CCDC77: variants seen among roughly 807,000 people sequenced by gnomAD.
CCDC77 encodes coiled-coil domain-containing protein 77.
Under a neutral mutation model 66.8 loss-of-function variants are expected in CCDC77, and 56 were observed. The ratio of observed to expected loss-of-function variants is 0.84; its 90% CI spans 0.68 to 1.05. The LOEUF is 1.05. CCDC77 is among the 50% of genes least tolerant of loss of function. CCDC77 has a pLI of 0.00. For missense variants in CCDC77, 570 were observed against 576.8 expected (o/e 0.99, Z 0.12); for synonymous variants, 196 against 195.2 (o/e 1.00, Z -0.03).
intron 5 of CCDC77, among the ~76,000 whole-genome samples, chr12:424,911 G>A (rs1422391248): frequency 6.8e-6 from 1 of 147,958 alleles, no homozygotes; most frequent in Non-Finnish European, 1.5e-5. Flanking sequence ...TAGCCACATG[G>A]TTTCTTTCTT....
At chr12:432,008 T>G in intron 8 of CCDC77, 54 bp downstream of exon 8, 23 of 997,964 alleles carry the variant, frequency 2.3e-5, no homozygotes, top group Non-Finnish European at 3.3e-5. Context: ...GGTGCAGCTC[T>G]ATGTCACATA....
intron 5 of CCDC77, among the ~76,000 whole-genome samples, chr12:426,053 T>C (rs1299914645): frequency 6.6e-6 from 1 of 152,148 alleles, no homozygotes; most frequent in Non-Finnish European, 1.5e-5. Flanking sequence ...TTAGTAGAGA[T>C]GGGGTTTCAC....
chr12:435,932 G>T (rs1945741261), intron 9 of CCDC77, among the ~76,000 whole-genome samples: 1 of 151,928 alleles, frequency 6.6e-6, no homozygotes, highest in African/African-American at 2.4e-5. Context: ...TAGAGATGGG[G>T]TCTTGCTATA....
intron 5 of CCDC77, among the ~76,000 whole-genome samples, chr12:425,504 G>A (rs914170399): frequency 7.9e-5 from 12 of 151,834 alleles, no homozygotes; most frequent in African/African-American, 2.2e-4. Flanking sequence ...CCGAAAGCTC[G>A]CCTTCCATGT....
chr12:436,699 G>A lies in CCDC77; in HGVS notation c.822-1636G>A, dbSNP rs1244928373. The A allele has an allele frequency of 8.1e-6, 7 of 859,366 alleles. No homozygotes were observed. The South Asian group carries it at 2.1e-4, about 26-fold the overall frequency. The allele number at this position is 859,366 out of a possible 1,614,324, so 53.2% of individuals were successfully genotyped here. ...CATAGTAATTTGTAATTTTATATCT[G>A]TTTTCCAGAATACCAGTAACCTTCC... On this transcript the variant is annotated intron_variant, in intron 9 of 12. Coordinates refer to ENST00000239830, the MANE Select transcript of CCDC77 (RefSeq NM_032358.4).
upstream of CCDC77, among the ~76,000 whole-genome samples, chr12:399,514 T>G (rs1944869892): frequency 6.6e-6 from 1 of 152,216 alleles, no homozygotes; most frequent in South Asian, 2.1e-4. Context: ...AATGACTCCT[T>G]GATCCATGAG....
chr12:417,423 A>T (rs956365711), intron 4 of CCDC77, among the ~76,000 whole-genome samples: 1 of 152,024 alleles, frequency 6.6e-6, no homozygotes, highest in Non-Finnish European at 1.5e-5. Flanking sequence ...TCCCAAACAG[A>T]TCTCAGAATG....
Position 438,315 on chromosome 12 carries a change from A to G in CCDC77, c.822-20A>G. The G allele has an allele frequency of 6.4e-7, 1 of 1,561,592 alleles. No individual in the cohort carries two copies. Among genetic ancestry groups the G allele is most frequent in the South Asian group, 1.1e-5 (1 of 88,366 alleles). ...GCTGTGTGCGCATCCTCATGTCTGC[A>G]TTTATACTTTCTTTCCTAGTCTTCA... is the stretch of plus-strand genomic sequence containing the variant. On this transcript the variant is annotated intron_variant, in intron 9 of 12. Coordinates refer to ENST00000239830, the MANE Select transcript of CCDC77 (RefSeq NM_032358.4).
rs756873089 is a variant in CCDC77 at position 438,595 on chromosome 12, G to C, written c.1041+41G>C. 5 of 1,488,882 alleles carry C rather than the reference G, an allele frequency of 3.4e-6. No homozygotes were observed. In the Admixed American group the frequency reaches 9.1e-5, roughly 27 times the overall value. The allele number at this position is 1,488,882 out of a possible 1,614,324, so 92.2% of individuals were successfully genotyped here. A position where few individuals can be genotyped will look rare whatever the true frequency, so the allele number is the denominator to read the frequency against. On this transcript the variant is annotated intron_variant, in intron 10 of 12. Transcript: ENST00000239830. ...CGTAACGAAGTTGTTTATTTTTCTG[G>C]GAGAGTTGAAGGAATTCCAAAGAAC...
Position 428,983 on chromosome 12 carries a change from G to C in CCDC77, c.510+118G>C, listed in dbSNP as rs542794521. On this transcript the variant is annotated intron_variant, in intron 6 of 12. Transcript: ENST00000239830. Reference sequence around the variant, plus strand: ...GGCAGATGGAGAATTAGCCATCACAGTGCCTTGTTTGCCTGAGTTTTTAAA... The same window carrying C: ...GGCAGATGGAGAATTAGCCATCACACTGCCTTGTTTGCCTGAGTTTTTAAA... The C allele has an allele frequency of 1.2e-5, 7 of 592,552 alleles. No individual in the cohort carries two copies. In the East Asian group the frequency reaches 1.8e-4, roughly 15 times the overall value. The allele number at this position is 592,552 out of a possible 1,614,324, so 36.7% of individuals were successfully genotyped here.
chr12:396,301 A>C (rs886311274), intron 1 of CCDC77, among the ~76,000 whole-genome samples: 2 of 152,168 alleles, frequency 1.3e-5, no homozygotes, highest in African/African-American at 4.8e-5. Context: ...CTGAGCCCAG[A>C]GAATCGCTTG....
intron 1 of CCDC77, among the ~76,000 whole-genome samples, chr12:391,620 C>A (rs969094266): frequency 6.6e-6 from 1 of 152,172 alleles, no homozygotes; most frequent in Admixed American, 6.5e-5. Flanking sequence ...TTCAAATTAA[C>A]AGAGCGTGAG....
chr12:413,411 G>C (rs1194055678), intron 4 of CCDC77, among the ~76,000 whole-genome samples: 1 of 141,010 alleles, frequency 7.1e-6, no homozygotes, highest in Non-Finnish European at 1.5e-5. Flanking sequence ...TAATTTTTTT[G>C]TATTTTTTTA....
chr12:442,027 T>TG lies in CCDC77; in HGVS notation c.*109dup. The TG allele has an allele frequency of 8.5e-7, 1 of 1,170,944 alleles. No homozygotes were observed. The highest frequency in any genetic ancestry group is 1.4e-5 in the South Asian group (1 of 73,086). The allele number at this position is 1,170,944 out of a possible 1,614,324, so 72.5% of individuals were successfully genotyped here. On this transcript the variant is annotated 3_prime_UTR_variant, in exon 13 of 13. Coordinates refer to ENST00000239830, the MANE Select transcript of CCDC77 (RefSeq NM_032358.4). ...TGTAAACCTGAGTTGACTAGAGTGGTGGTATTCATTATTGTAAAGACAGCT... is the reference window on the plus strand; with the variant it reads ...TGTAAACCTGAGTTGACTAGAGTGGTGGGTATTCATTATTGTAAAGACAGCT...
chr12:418,443 C>T, intron 4 of CCDC77, 51 bp from the exon 5 acceptor site: 3 of 1,573,102 alleles, frequency 1.9e-6, no homozygotes, highest in Non-Finnish European at 2.6e-6. Flanking sequence ...GTGAGAGATA[C>T]TCCATTGAAA....
chr12:432,023 C>G (rs557629258), intron 8 of CCDC77, 69 bp downstream of exon 8: 1 of 871,542 alleles, frequency 1.1e-6, no homozygotes, highest in Non-Finnish European at 1.9e-6. Context: ...CACATACCCT[C>G]AGTGTCATGT....
intron 4 of CCDC77, among the ~76,000 whole-genome samples, chr12:413,780 A>G (rs1430406050): frequency 1.3e-5 from 2 of 151,352 alleles, no homozygotes; most frequent in African/African-American, 4.9e-5. Flanking sequence ...GGTGCACGCC[A>G]CCACACCTGG....
At position 433,220 on chromosome 12, in the gene CCDC77, G is replaced by A. The variant is rs1213013110; in HGVS notation, c.719G>A (p.Arg240Gln). Residue 240 changes from arginine (R) to glutamine (Q), a missense_variant, in exon 9 of 13, where the codon CGA becomes CAA. Transcript: ENST00000239830. ...CTGGGAGAGCAGACCAAACTTTCTC[G>A]AGAACAAATTGAAGGGCTCATCGAG... Reference protein sequence around the residue: ...AQLGEQTKLSREQIEGLIEDR... With the variant: ...AQLGEQTKLSQEQIEGLIEDR... The A allele has an allele frequency of 1.5e-5, 24 of 1,613,980 alleles. No individual in the cohort carries two copies. Among genetic ancestry groups the A allele is most frequent in the Non-Finnish European group, 1.9e-5 (23 of 1,179,978 alleles).
intron 4 of CCDC77, among the ~76,000 whole-genome samples, chr12:412,581 AAC>A (rs963829043): frequency 1.3e-5 from 2 of 152,294 alleles, no homozygotes; most frequent in African/African-American, 4.8e-5. Flanking sequence ...GGATGCCAGT[AAC>A]ACAACACCCC....
Sources: allele counts gnomAD v4.1 joint callset (sites outside exome capture counted in the v4.1 genomes callset), GRCh38; gene constraint gnomAD v4.1.1; transcripts MANE v1.5; gene names NCBI Gene and HGNC (gene_info 2026-07-23, HGNC 2026-07-21).